The following AAK1 variants were observed in gnomAD, a reference collection of about 807,000 sequenced individuals.
The protein encoded by AAK1 is AP2-associated protein kinase 1.
Under a neutral mutation model 116.0 loss-of-function variants are expected in AAK1, and 37 were observed. That is an observed-to-expected ratio of 0.32 (90% CI 0.25 to 0.42). AAK1 has a LOEUF of 0.42. Among genes scored for constraint, AAK1 ranks in the 10% least tolerant of loss-of-function variants. AAK1 has a pLI of 1.00. For missense variants in AAK1, 919 were observed against 1,170.6 expected (o/e 0.79, Z 3.14); for synonymous variants, 458 against 439.9 (o/e 1.04, Z -0.51).
chr2:69,530,200 T>C, intron 7 of AAK1, 60 bp from the exon 8 acceptor site: 1 of 1,513,502 alleles, frequency 6.6e-7, no homozygotes, highest in South Asian at 1.3e-5. Flanking sequence ...TCTAAATGGA[T>C]CTAATGAGAA....
At chr2:69,507,947 T>A (rs569751799) in intron 14 of AAK1, among the ~76,000 whole-genome samples, 12 of 152,172 alleles carry the variant, frequency 7.9e-5, no homozygotes, top group Admixed American at 2.0e-4. Context: ...CCTCAGGTGA[T>A]CCACCTGCCT....
chr2:69,493,155 T>C (rs564536115), intron 17 of AAK1, among the ~76,000 whole-genome samples: 80 of 27,810 alleles, frequency 2.9e-3, no homozygotes, highest in Non-Finnish European at 4.3e-3. Context: ...CGAGACTCCG[T>C]CTCAAAAAAA....
chr2:69,559,419 C>A (rs1671538322), intron 2 of AAK1, among the ~76,000 whole-genome samples: 1 of 151,974 alleles, frequency 6.6e-6, no homozygotes, highest in Non-Finnish European at 1.5e-5. Context: ...TTCCCCCCAC[C>A]CCCTGCCAAA....
chr2:69,555,608 A>T (rs1671358872), intron 3 of AAK1, among the ~76,000 whole-genome samples: 1 of 152,178 alleles, frequency 6.6e-6, no homozygotes, highest in African/African-American at 2.4e-5. Flanking sequence ...TGTATCTGCT[A>T]TTACCATTAT....
intron 2 of AAK1, among the ~76,000 whole-genome samples, chr2:69,578,211 T>A (rs1459319492): frequency 6.6e-6 from 1 of 152,192 alleles, no homozygotes; most frequent in Non-Finnish European, 1.5e-5. Flanking sequence ...TAAGAAGACG[T>A]GATGGGAGTG....
chr2:69,633,016 G>A (rs1413517625), intron 2 of AAK1, among the ~76,000 whole-genome samples: 1 of 151,500 alleles, frequency 6.6e-6, no homozygotes, highest in Non-Finnish European at 1.5e-5. Context: ...CTGGGTGACA[G>A]AGCAAGACTC....
chr2:69,559,779 A>G (rs1223593337), intron 2 of AAK1, among the ~76,000 whole-genome samples: 1 of 152,244 alleles, frequency 6.6e-6, no homozygotes, highest in Non-Finnish European at 1.5e-5. Context: ...TTGTGAAACA[A>G]AAGGTGGGAA....
rs774972110 is a variant in AAK1, at chr2:69,643,084, G to A, written c.-44C>T. On this transcript the variant is annotated 5_prime_UTR_variant, in exon 2 of 22. Transcript: ENST00000409085. ...CAAAGCAAAATACCGATGGTTTCTA[G>A]ATTTTTTTTTTTTTTTTTTTTTTTT... 2.5e-5 allele frequency: 26 copies of A among 1,057,324 alleles called. No homozygotes were observed. In the Admixed American group the frequency reaches 2.5e-4, roughly 10 times the overall value. The allele number at this position is 1,057,324 out of a possible 1,614,324, so 65.5% of individuals were successfully genotyped here. A position where few individuals can be genotyped will look rare whatever the true frequency, so the allele number is the denominator to read the frequency against.
intron 2 of AAK1, among the ~76,000 whole-genome samples, chr2:69,609,184 G>C (rs895718905): frequency 6.7e-6 from 1 of 148,616 alleles, no homozygotes; most frequent in African/African-American, 2.5e-5. Context: ...CAACATAGTG[G>C]AACCCCATCT....
chr2:69,548,266 T>A (rs1052345533), intron 3 of AAK1, among the ~76,000 whole-genome samples: 4 of 152,018 alleles, frequency 2.6e-5, no homozygotes, highest in African/African-American at 9.7e-5. Flanking sequence ...AAAAGTAACA[T>A]GACAGACTGG....
chr2:69,585,792 C>G (rs1017643559), intron 2 of AAK1, among the ~76,000 whole-genome samples: 14 of 152,170 alleles, frequency 9.2e-5, no homozygotes, highest in Admixed American at 9.2e-4. Context: ...GGTTTGATTT[C>G]TAGCAATGAA....
At chr2:69,491,423 T>C (rs1463913257) in intron 17 of AAK1, among the ~76,000 whole-genome samples, 1 of 152,212 alleles carries the variant, frequency 6.6e-6, no homozygotes, top group Non-Finnish European at 1.5e-5. Flanking sequence ...ATGATTTTCA[T>C]ATTCCAGACC....
In AAK1 at chr2:69,556,945, C is replaced by T. The variant is rs371902412; in HGVS notation, c.197G>A (p.Ser66Asn). Reference sequence around the variant, plus strand: ...TTTCAAGGCACATTTCATCCCATTGCTTGTCCTCACCAGAAATACAATAGC... The same window carrying T: ...TTTCAAGGCACATTTCATCCCATTGTTTGTCCTCACCAGAAATACAATAGC... The part of the protein sequence containing the change: ...GFAIVFLVRT[S>N]NGMKCALKRM... The change falls in exon 3 of 22, where the codon AGC (serine) becomes AAC (asparagine). Residue 66 changes from serine (S) to asparagine (N), a missense_variant. Ser to Asn is a conservative substitution (Grantham distance 46, BLOSUM62 1). Around this residue, in one of 4 missense-constraint regions of AAK1, gnomAD observed 317 missense variants for 490.4 expected, o/e 0.65. Coordinates refer to ENST00000409085, the MANE Select transcript of AAK1 (RefSeq NM_014911.5). The T allele has an allele frequency of 6.2e-7, 1 of 1,613,880 alleles. No individual in the cohort carries two copies. Among genetic ancestry groups the T allele is most frequent in the Non-Finnish European group, 8.5e-7 (1 of 1,179,760 alleles).
intron 2 of AAK1, among the ~76,000 whole-genome samples, chr2:69,592,788 T>C (rs1673091303): frequency 1.3e-5 from 2 of 152,348 alleles, no homozygotes; most frequent in Admixed American, 1.3e-4. Flanking sequence ...TTAACATCTC[T>C]TCTTCAAATT....
At chr2:69,600,213 T>TA (rs1476167739) in intron 2 of AAK1, among the ~76,000 whole-genome samples, 1 of 151,604 alleles carries the variant, frequency 6.6e-6, no homozygotes, top group Non-Finnish European at 1.5e-5. Flanking sequence ...ACCCGATGGC[T>TA]AGAATATTAT....
intron 2 of AAK1, among the ~76,000 whole-genome samples, chr2:69,577,456 C>T (rs1672359419): frequency 6.6e-6 from 1 of 151,990 alleles, no homozygotes; most frequent in Admixed American, 6.5e-5. Flanking sequence ...GTAGAATTTA[C>T]TCCCCTGCTG....
rs1674602702 is a variant in AAK1, at chr2:69,469,452, C to G, written c.*6417G>C. The G allele has an allele frequency of 1.0e-6, 1 of 985,254 alleles. No individual in the cohort carries two copies. The allele number at this position is 985,254 out of a possible 1,614,324, so 61.0% of individuals were successfully genotyped here. ...AAATGTGTTTTCAGGGTGAACAGTT[C>G]CTTTATATGAAGGTAGCATTGTGTC... On this transcript the variant is annotated 3_prime_UTR_variant, in exon 22 of 22. Coordinates refer to ENST00000409085, the MANE Select transcript of AAK1 (RefSeq NM_014911.5).
chr2:69,500,691 A>ATATATATATATATATATG, intron 16 of AAK1, among the ~76,000 whole-genome samples: 1 of 119,840 alleles, frequency 8.3e-6, no homozygotes, highest in African/African-American at 3.5e-5. Context: ...ATATATATAT[A>ATATATATATATATATATG]TATATATACA....
chr2:69,510,160 G>C (rs1676337846), intron 13 of AAK1, among the ~76,000 whole-genome samples: 1 of 152,192 alleles, frequency 6.6e-6, no homozygotes, highest in Non-Finnish European at 1.5e-5. Context: ...ACTAAGCCTA[G>C]TACACAAGAG....
Sources: gnomAD v4.1 joint callset for allele counts (sites outside exome capture counted in the v4.1 genomes callset) on GRCh38, gnomAD v4.1.1 for gene constraint, gnomAD v4.1.1 regional missense constraint, MANE v1.5 for transcripts, NCBI Gene and HGNC (gene_info 2026-07-23, HGNC 2026-07-21) for gene names.